ADGRL2: variants seen among roughly 807,000 people sequenced by gnomAD.
ADGRL2 encodes the protein adhesion G protein-coupled receptor L2.
A neutral mutation model predicts 157.4 loss-of-function variants in ADGRL2; 44 were observed. The ratio of observed to expected loss-of-function variants is 0.28; its 90% CI spans 0.22 to 0.36. The LOEUF (loss-of-function observed/expected upper bound fraction) is 0.36, where lower values mean the gene tolerates loss of function less well. Ranked by LOEUF, ADGRL2 falls within the 10% of genes least tolerant of loss-of-function variation. The probability of loss-of-function intolerance (pLI) is 1.00; values close to 1 mark genes in which losing one functional copy is unlikely to be tolerated. For synonymous variants in ADGRL2, 585 were observed against 624.7 expected, an observed-to-expected ratio of 0.94 and a Z score of 0.95; for missense variants, 1,510 against 1,768.9, an observed-to-expected ratio of 0.85 and a Z score of 2.63.
chr1:81,526,525 T>C (rs1481891485), intron 2 of ADGRL2, among the ~76,000 whole-genome samples: 1 of 152,230 alleles, frequency 6.6e-6, no homozygotes, highest in Non-Finnish European at 1.5e-5. Context: ...CAGAATGTCA[T>C]TACACATCTT....
At chr1:81,532,925 A>G (rs1014499176) in intron 2 of ADGRL2, among the ~76,000 whole-genome samples, 4 of 149,016 alleles carry the variant, frequency 2.7e-5, no homozygotes, top group Non-Finnish European at 5.9e-5. Context: ...CCCTGTCTCA[A>G]AAAAAACAAC....
chr1:81,467,150 A>T (rs529550774), intron 2 of ADGRL2, among the ~76,000 whole-genome samples: 1 of 152,288 alleles, frequency 6.6e-6, no homozygotes, highest in South Asian at 2.1e-4. Context: ...TGAGGCTACG[A>T]TACTTTATGG....
chr1:81,932,013 ATTTCTGTAT>A (rs1161733125), intron 3 of ADGRL2, among the ~76,000 whole-genome samples: 1 of 152,156 alleles, frequency 6.6e-6, no homozygotes, highest in Non-Finnish European at 1.5e-5. Context: ...AAAGAAAGCA[ATTTCTGTAT>A]TTATTGCCTT....
intron 20 of ADGRL2, 42 bp from the exon 21 acceptor site, chr1:81,985,217 A>C (rs377410634): frequency 5.9e-6 from 7 of 1,190,896 alleles, no homozygotes; most frequent in East Asian, 2.4e-5. Context: ...AAGTTTGGGG[A>C]AACTAACAAA....
intron 2 of ADGRL2, among the ~76,000 whole-genome samples, chr1:81,878,927 T>C (rs1010261689): frequency 6.6e-6 from 1 of 152,240 alleles, no homozygotes. Context: ...AAGTTAGCAC[T>C]TGTTTTAAAA....
chr1:81,463,468 T>TC (rs2077983823), intron 2 of ADGRL2, among the ~76,000 whole-genome samples: 1 of 152,128 alleles, frequency 6.6e-6, no homozygotes, highest in African/African-American at 2.4e-5. Flanking sequence ...AGATGACAGT[T>TC]CCCCAAATTG....
chr1:81,904,255 A>G (rs2094545022), intron 2 of ADGRL2, among the ~76,000 whole-genome samples: 1 of 152,186 alleles, frequency 6.6e-6, no homozygotes, highest in Non-Finnish European at 1.5e-5. Flanking sequence ...ACATGTTAAT[A>G]AGCACATTAG....
chr1:81,898,713 C>T (rs557480437), intron 2 of ADGRL2, among the ~76,000 whole-genome samples: 1 of 152,232 alleles, frequency 6.6e-6, no homozygotes, highest in South Asian at 2.1e-4. Context: ...CTATCAGTGA[C>T]AACTTATCTT....
At chr1:81,783,860 G>T (rs2086917967) in intron 2 of ADGRL2, among the ~76,000 whole-genome samples, 1 of 152,084 alleles carries the variant, frequency 6.6e-6, no homozygotes, top group Non-Finnish European at 1.5e-5. Context: ...TGCTATTAAA[G>T]ATACTAAAAT....
chr1:81,481,276 A>G (rs1260506620), intron 2 of ADGRL2, among the ~76,000 whole-genome samples: 1 of 152,242 alleles, frequency 6.6e-6, no homozygotes. Context: ...CTTTAGAAAC[A>G]AGGCTTTCCC....
rs370414029 is a variant in ADGRL2, at chr1:81,706,053, G to T, written c.-143+6245G>T. On this transcript the variant is annotated intron_variant, in intron 1 of 20. Coordinates refer to the ADGRL2 transcript ENST00000359929. ...GTCTCTACTAAAAATACAAAAATTA[G>T]CTGGGCGTGGTCATGCACGCCTGTA... Among the ~76,000 whole-genome samples the T allele has an allele frequency of 2.0e-5, 3 of 152,194 alleles. No individual in the cohort carries two copies. In the East Asian group the frequency reaches 5.8e-4, roughly 30 times the overall value.
At chr1:81,736,559 G>GTACT (rs1184433539) in intron 1 of ADGRL2, among the ~76,000 whole-genome samples, 6 of 152,142 alleles carry the variant, frequency 3.9e-5, no homozygotes, top group Non-Finnish European at 7.4e-5. Context: ...GGACAGGAGT[G>GTACT]TACTCTTCCT....
At chr1:81,601,899 G>A (rs1339895633) in intron 3 of ADGRL2, among the ~76,000 whole-genome samples, 1 of 152,122 alleles carries the variant, frequency 6.6e-6, no homozygotes, top group Non-Finnish European at 1.5e-5. Flanking sequence ...GAAGAAAGAG[G>A]CAGAATGAAA....
At chr1:81,958,336 G>T (rs1457041363) in intron 11 of ADGRL2, among the ~76,000 whole-genome samples, 2 of 144,032 alleles carry the variant, frequency 1.4e-5, no homozygotes, top group South Asian at 2.1e-4. Flanking sequence ...TTTTGGGGGT[G>T]GGGGGAAGGG....
rs143710789 is a variant in ADGRL2 at position 81,359,692 on chromosome 1, G to A, written c.-302+53183G>A. Among the ~76,000 whole-genome samples, 1,058 of 151,812 alleles carry A rather than the reference G, an allele frequency of 7.0e-3. 14 individuals are homozygous for A. Among genetic ancestry groups the A allele is most frequent in the African/African-American group, 0.024 (1,000 of 41,446 alleles). ...CACACTTGTCATCTCTACCTAAATAGCTAATAGACATCTCAAATTTAACAT... is the reference window on the plus strand; with the variant it reads ...CACACTTGTCATCTCTACCTAAATAACTAATAGACATCTCAAATTTAACAT... On this transcript the variant is annotated intron_variant, in intron 1 of 24. Coordinates refer to the ADGRL2 transcript ENST00000370721.
At chr1:81,602,758 C>T (rs939902831) in intron 3 of ADGRL2, among the ~76,000 whole-genome samples, 4 of 151,458 alleles carry the variant, frequency 2.6e-5, no homozygotes, top group Non-Finnish European at 5.9e-5. Context: ...ACTAGCCAGA[C>T]GAGATGGCAT....
At chr1:81,432,277 G>T (rs547135010) in intron 1 of ADGRL2, among the ~76,000 whole-genome samples, 9 of 152,216 alleles carry the variant, frequency 5.9e-5, no homozygotes, top group Non-Finnish European at 1.2e-4. Flanking sequence ...ACAATAGGGC[G>T]ATTGTCAGCT....
intron 2 of ADGRL2, among the ~76,000 whole-genome samples, chr1:81,500,163 C>T (rs1443316273): frequency 6.6e-6 from 1 of 152,116 alleles, no homozygotes; most frequent in Non-Finnish European, 1.5e-5. Flanking sequence ...CAAGTGTTAA[C>T]AAGGATGTGA....
intron 1 of ADGRL2, among the ~76,000 whole-genome samples, chr1:81,310,678 T>C (rs1659687050): frequency 6.6e-6 from 1 of 152,076 alleles, no homozygotes; most frequent in Admixed American, 6.6e-5. Context: ...AATATATCAG[T>C]TTTGCCCAGA....
Sources: allele counts gnomAD v4.1 joint callset (sites outside exome capture counted in the v4.1 genomes callset), GRCh38; gene constraint gnomAD v4.1.1; transcripts MANE v1.5; gene names NCBI Gene and HGNC (gene_info 2026-07-23, HGNC 2026-07-21).